The following ZNF37A variants were observed in gnomAD, a reference collection of about 807,000 sequenced individuals.
The protein encoded by ZNF37A is zinc finger protein 37A, also known as zinc finger protein 37a (KOX 21).
A neutral mutation model predicts 12.3 loss-of-function variants in ZNF37A; 10 were observed. The ratio of observed to expected loss-of-function variants is 0.82; its 90% CI spans 0.50 to 1.38. ZNF37A has a LOEUF of 1.38. Among genes scored for constraint, ZNF37A ranks in the 40% most tolerant of loss-of-function variants. The pLI is 0.00. For synonymous variants in ZNF37A, 207 were observed against 223.0 expected, an observed-to-expected ratio of 0.93 and a Z score of 0.64; for missense variants, 580 against 651.2, an observed-to-expected ratio of 0.89 and a Z score of 1.19.
intron 7 of ZNF37A, among the ~76,000 whole-genome samples, chr10:38,136,379 C>A (rs2070107894): frequency 6.6e-6 from 1 of 152,166 alleles, no homozygotes; most frequent in African/African-American, 2.4e-5. Context: ...GTCTCTAACA[C>A]CTGACTTCAG....
intron 5 of ZNF37A, among the ~76,000 whole-genome samples, chr10:38,100,528 A>G (rs1371743266): frequency 6.6e-6 from 1 of 152,192 alleles, no homozygotes; most frequent in Non-Finnish European, 1.5e-5. Flanking sequence ...AAATTCAGCG[A>G]TATTTCTCCC....
rs1397859979 is a variant in ZNF37A at position 38,120,743 on chromosome 10, A to C, written c.*1906A>C. 1 of 152,352 alleles carries C rather than the reference A, an allele frequency of 6.6e-6. No individual in the cohort carries two copies. The highest frequency in any genetic ancestry group is 2.4e-5 in the African/African-American group (1 of 41,456). The allele number at this position is 152,352 out of a possible 1,614,324, so 9.4% of individuals were successfully genotyped here. A position where few individuals can be genotyped will look rare whatever the true frequency, so the allele number is the denominator to read the frequency against. On this transcript the variant is annotated 3_prime_UTR_variant, in exon 8 of 8. Coordinates refer to ENST00000685332, the MANE Select transcript of ZNF37A (RefSeq NM_001324250.3). ...GGGGGGACCAGAAACCAGAAGAACA[A>C]TCAAGACTGCAATGAAAAAAATGGA...
At chr10:38,125,743 T>C (rs1457153871), downstream of ZNF37A, among the ~76,000 whole-genome samples, 1 of 152,142 alleles carries the variant, frequency 6.6e-6, no homozygotes, top group African/African-American at 2.4e-5. Context: ...AACATAGAAA[T>C]TGACTGTTAG....
chr10:38,097,583 C>CAAAAAAAAAAAAAAAAAAAAAAAAAAA (rs71007695), intron 5 of ZNF37A, among the ~76,000 whole-genome samples: 4 of 61,948 alleles, frequency 6.5e-5, no homozygotes, highest in Non-Finnish European at 1.1e-4. Context: ...GACTCTGTCT[C>CAAAAAAAAAAAAAAAAAAAAAAAAAAA]AAAAAAAAAA....
At chr10:38,138,409 G>C (rs2136081686) in intron 7 of ZNF37A, 1 of 152,314 alleles carries the variant, frequency 6.6e-6, no homozygotes, top group South Asian at 2.1e-4. Context: ...CTAAAAGCAT[G>C]AGTTAACAAA....
chr10:38,115,114 TG>T, intron 6 of ZNF37A, 80 bp from the exon 7 acceptor site: 9 of 1,094,932 alleles, frequency 8.2e-6, no homozygotes, highest in East Asian at 5.3e-5. Context: ...TGTGTGTGTG[TG>T]TACTGTTTGG....
chr10:38,113,709 A>G (rs2069015465), intron 5 of ZNF37A, among the ~76,000 whole-genome samples: 1 of 152,110 alleles, frequency 6.6e-6, no homozygotes, highest in Non-Finnish European at 1.5e-5. Context: ...GCCCCTTGGT[A>G]TAGACAATCT....
intron 7 of ZNF37A, among the ~76,000 whole-genome samples, chr10:38,137,034 C>A (rs2070116641): frequency 6.6e-6 from 1 of 152,066 alleles, no homozygotes; most frequent in South Asian, 2.1e-4. Flanking sequence ...TTTCAGACAT[C>A]ATTTTCCTGT....
intron 5 of ZNF37A, among the ~76,000 whole-genome samples, chr10:38,102,675 A>G (rs2067694849): frequency 6.6e-6 from 1 of 152,160 alleles, no homozygotes; most frequent in Non-Finnish European, 1.5e-5. Flanking sequence ...GATTGGAGTT[A>G]CTGTCTAGTA....
chr10:38,125,034 C>G (rs368786575), downstream of ZNF37A: 3 of 152,076 alleles, frequency 2.0e-5, no homozygotes, highest in African/African-American at 7.2e-5. Context: ...CATCATAGAT[C>G]TAAATATAAG....
chr10:38,106,129 T>G (rs1161946476), intron 5 of ZNF37A, among the ~76,000 whole-genome samples: 1 of 152,158 alleles, frequency 6.6e-6, no homozygotes, highest in Non-Finnish European at 1.5e-5. Flanking sequence ...TTTGTATATG[T>G]GCTTTATTAT....
intron 7 of ZNF37A, chr10:38,142,468 T>C (rs953037127): frequency 2.0e-5 from 3 of 152,084 alleles, no homozygotes; most frequent in Admixed American, 2.0e-4. Context: ...ATTGTGAAAA[T>C]AGAACTTCTC....
chr10:38,149,584 T>TTTTC (rs1265909663), exon 8 of ZNF37A: 6 of 146,578 alleles, frequency 4.1e-5, no homozygotes, highest in African/African-American at 1.3e-4. Flanking sequence ...TTTTTTTTTT[T>TTTTC]TTTTTTTTGA....
intron 5 of ZNF37A, among the ~76,000 whole-genome samples, chr10:38,114,112 T>C (rs924157909): frequency 6.6e-6 from 1 of 152,212 alleles, no homozygotes; most frequent in African/African-American, 2.4e-5. Flanking sequence ...TGATAAATAT[T>C]TGGAGAACAC....
Position 38,121,955 on chromosome 10 carries a change from T to C in ZNF37A, c.*3118T>C, listed in dbSNP as rs1313210749. The C allele has an allele frequency of 2.6e-5, 4 of 152,152 alleles. No homozygotes were observed. Among genetic ancestry groups the C allele is most frequent in the South Asian group, 2.1e-4 (1 of 4,828 alleles). 9.4% of individuals were successfully genotyped at this position (152,152 alleles called of 1,614,324 possible). A position where few individuals can be genotyped will look rare whatever the true frequency, so the allele number is the denominator to read the frequency against. On this transcript the variant is annotated 3_prime_UTR_variant, in exon 8 of 8. Coordinates refer to ENST00000685332, the MANE Select transcript of ZNF37A (RefSeq NM_001324250.3). ...TGTACCTGACAGTAAGAAAATACTC[T>C]GGCTGGTCTCAGTGGCTCATGTCTG...
rs1286368681 is a variant in ZNF37A, at chr10:38,123,010, A to C, written c.*4173A>C. ...AGGTTTAATTGGCTCACGGTTTTGC[A>C]GGCTGTACAGGAAGCATGGTGCTAA... is the stretch of plus-strand genomic sequence containing the variant. On this transcript the variant is annotated 3_prime_UTR_variant, in exon 8 of 8. Coordinates refer to ENST00000685332, the MANE Select transcript of ZNF37A (RefSeq NM_001324250.3). 6.6e-6 allele frequency: 1 copy of C among 152,440 alleles called. No individual in the cohort carries two copies. Among genetic ancestry groups the C allele is most frequent in the East Asian group, 1.9e-4 (1 of 5,190 alleles). 9.4% of individuals were successfully genotyped at this position (152,440 alleles called of 1,614,324 possible). A position where few individuals can be genotyped will look rare whatever the true frequency, so the allele number is the denominator to read the frequency against.
rs763827434 is a variant in ZNF37A at position 38,117,563 on chromosome 10, A to G, written c.412A>G (p.Lys138Glu). The G allele has an allele frequency of 3.7e-6, 6 of 1,613,318 alleles. No homozygotes were observed. The highest frequency in any genetic ancestry group is 5.1e-6 in the Non-Finnish European group (6 of 1,179,820). Residue 138 changes from lysine to glutamate, a missense_variant, in exon 8 of 8, where the codon AAA becomes GAA. Transcript: ENST00000685332. ...GAATGAAGACCTCATTTGGCATCAG[A>G]AAATTAAAAATTGGGAACAATCTTT... Reference protein sequence around the residue: ...WLNEDLIWHQKIKNWEQSFEY... With the variant: ...WLNEDLIWHQEIKNWEQSFEY...
intron 5 of ZNF37A, among the ~76,000 whole-genome samples, chr10:38,105,091 C>T (rs1176994930): frequency 2.0e-5 from 3 of 151,874 alleles, no homozygotes; most frequent in East Asian, 1.9e-4. Flanking sequence ...CCGCAACCTC[C>T]GCCTTCTGGG....
intron 5 of ZNF37A, 105 bp from the exon 6 acceptor site, chr10:38,114,650 A>G (rs958311584): frequency 1.2e-5 from 18 of 1,452,696 alleles, no homozygotes; most frequent in Non-Finnish European, 1.7e-5. Flanking sequence ...AACAGTTTCT[A>G]TTTAATTTTC....
Sources: allele counts gnomAD v4.1 joint callset (sites outside exome capture counted in the v4.1 genomes callset), GRCh38; gene constraint gnomAD v4.1.1; transcripts MANE v1.5; gene names NCBI Gene and HGNC (gene_info 2026-07-23, HGNC 2026-07-21).